The following PCSK2 variants were observed in gnomAD, a reference collection of about 807,000 sequenced individuals.
PCSK2 encodes neuroendocrine convertase 2.
PCSK2 carries 14 observed loss-of-function variants against 69.7 expected under a neutral mutation model. The observed-to-expected ratio is 0.20, with a 90% CI of 0.13 to 0.31. The LOEUF (loss-of-function observed/expected upper bound fraction) is 0.31. PCSK2 is among the 10% of genes least tolerant of loss of function. PCSK2 has a pLI of 1.00. For synonymous variants in PCSK2, 307 were observed against 320.7 expected (o/e 0.96, Z 0.46); for missense variants, 544 against 842.5 (o/e 0.65, Z 4.39).
intron 6 of PCSK2, among the ~76,000 whole-genome samples, chr20:17,412,860 G>T (rs1422794129): frequency 6.6e-6 from 1 of 152,236 alleles, no homozygotes; most frequent in African/African-American, 2.4e-5. Context: ...AGCCAGAGGA[G>T]AGTGGGGACC....
chr20:17,460,817 T>A (rs2033002696), intron 10 of PCSK2, among the ~76,000 whole-genome samples: 1 of 152,254 alleles, frequency 6.6e-6, no homozygotes, highest in Admixed American at 6.5e-5. Context: ...ATATGTGATA[T>A]ATGTTATCAT....
chr20:17,478,865 T>C (rs2033338846), intron 11 of PCSK2, among the ~76,000 whole-genome samples: 1 of 152,236 alleles, frequency 6.6e-6, no homozygotes, highest in African/African-American at 2.4e-5. Context: ...GCATTTATTT[T>C]TTGCTAGCAT....
intron 2 of PCSK2, among the ~76,000 whole-genome samples, chr20:17,335,214 C>A (rs368785218): frequency 1.3e-5 from 2 of 151,728 alleles, no homozygotes; most frequent in African/African-American, 4.8e-5. Context: ...TCTGAAGACT[C>A]AACAGGGCTG....
At chr20:17,465,654 A>C in intron 11 of PCSK2, 101 bp downstream of exon 11, 2 of 763,972 alleles carry the variant, frequency 2.6e-6, no homozygotes, top group Non-Finnish European at 4.2e-6. Context: ...TGTTTGGGTC[A>C]ACTGTATTTT....
At chr20:17,379,454 A>C (rs890405225) in intron 5 of PCSK2, among the ~76,000 whole-genome samples, 1 of 152,260 alleles carries the variant, frequency 6.6e-6, no homozygotes, top group African/African-American at 2.4e-5. Flanking sequence ...TCAGACTCTG[A>C]AGCCATGGAG....
chr20:17,316,424 T>G (rs531211723), intron 2 of PCSK2, among the ~76,000 whole-genome samples: 1 of 152,310 alleles, frequency 6.6e-6, no homozygotes, highest in African/African-American at 2.4e-5. Context: ...AGCAAGCACT[T>G]GTATAATTTT....
intron 1 of PCSK2, among the ~76,000 whole-genome samples, chr20:17,233,003 G>A (rs1296520201): frequency 6.6e-6 from 1 of 152,168 alleles, no homozygotes; most frequent in Non-Finnish European, 1.5e-5. Flanking sequence ...GACCTGTCTG[G>A]TTGACCTAGA....
intron 10 of PCSK2, among the ~76,000 whole-genome samples, chr20:17,458,260 A>G (rs1051444765): frequency 6.6e-6 from 1 of 152,110 alleles, no homozygotes; most frequent in Non-Finnish European, 1.5e-5. Context: ...TTTATTAAGG[A>G]AGGGATCCCA....
chr20:17,476,405 A>G (rs917076239), intron 11 of PCSK2, among the ~76,000 whole-genome samples: 2 of 152,236 alleles, frequency 1.3e-5, no homozygotes, highest in South Asian at 4.1e-4. Flanking sequence ...CATTCATTTC[A>G]GCACTCACAT....
intron 7 of PCSK2, among the ~76,000 whole-genome samples, chr20:17,432,695 A>G (rs8115774): frequency 0.11 from 17,039 of 152,234 alleles, 1,004 homozygotes; most frequent in Non-Finnish European, 0.13. Context: ...ATGACCTTCC[A>G]AATGATGGTT....
chr20:17,269,218 T>C (rs1398495791), intron 2 of PCSK2, among the ~76,000 whole-genome samples: 6 of 152,114 alleles, frequency 3.9e-5, no homozygotes, highest in South Asian at 4.1e-4. Flanking sequence ...GAGGCATCCA[T>C]CTATTGTTAG....
chr20:17,387,390 C>T (rs1324915677), intron 5 of PCSK2, among the ~76,000 whole-genome samples: 3 of 152,108 alleles, frequency 2.0e-5, no homozygotes, highest in Non-Finnish European at 4.4e-5. Flanking sequence ...TGGGTGGCTC[C>T]GTGTTTCTCG....
intron 2 of PCSK2, among the ~76,000 whole-genome samples, chr20:17,268,028 A>AATATAT (rs1987691202): frequency 4.4e-5 from 2 of 45,826 alleles, no homozygotes; most frequent in African/African-American, 1.4e-4. Flanking sequence ...TTATATATCC[A>AATATAT]ATGTGTATAT....
At chr20:17,384,738 G>C (rs913669322) in intron 5 of PCSK2, among the ~76,000 whole-genome samples, 6 of 152,132 alleles carry the variant, frequency 3.9e-5, no homozygotes, top group South Asian at 2.1e-4. Flanking sequence ...TTTGAGACCA[G>C]CCTGAGTAAC....
At chr20:17,402,406 C>A (rs979595613) in intron 5 of PCSK2, among the ~76,000 whole-genome samples, 20 of 152,328 alleles carry the variant, frequency 1.3e-4, no homozygotes, top group African/African-American at 4.8e-4. Flanking sequence ...AGGCTCATGC[C>A]TGTAATCCCA....
intron 5 of PCSK2, among the ~76,000 whole-genome samples, chr20:17,377,091 A>C (rs1325769426): frequency 6.6e-6 from 1 of 152,174 alleles, no homozygotes; most frequent in Non-Finnish European, 1.5e-5. Flanking sequence ...TGGAGAGAAT[A>C]CGATTCGAGA....
At chr20:17,260,128 T>C in intron 1 of PCSK2, 112 bp from the exon 2 acceptor site, 1 of 702,922 alleles carries the variant, frequency 1.4e-6, no homozygotes, top group Non-Finnish European at 2.6e-6. Flanking sequence ...GTGGTTTCCT[T>C]GCATACTTCC....
At chr20:17,467,700 A>T (rs537799782) in intron 11 of PCSK2, among the ~76,000 whole-genome samples, 1 of 152,200 alleles carries the variant, frequency 6.6e-6, no homozygotes, top group Non-Finnish European at 1.5e-5. Context: ...CCCCAAAATA[A>T]GAGATTTTTT....
chr20:17,469,397 G>T (rs1479020765), intron 11 of PCSK2, among the ~76,000 whole-genome samples: 1 of 152,162 alleles, frequency 6.6e-6, no homozygotes. Context: ...ACAACAAACT[G>T]GTCCCATGCT....
Sources: gnomAD v4.1 joint callset for allele counts (sites outside exome capture counted in the v4.1 genomes callset) on GRCh38, gnomAD v4.1.1 for gene constraint, MANE v1.5 for transcripts, NCBI Gene and HGNC (gene_info 2026-07-23, HGNC 2026-07-21) for gene names.